DOCK6: variants seen among roughly 807,000 people sequenced by gnomAD.
DOCK6 encodes the protein dedicator of cytokinesis protein 6.
A neutral mutation model predicts 230.3 loss-of-function variants in DOCK6; 167 were observed. That is an observed-to-expected ratio of 0.73 (90% CI 0.64 to 0.82). The LOEUF is 0.82. Among genes scored for constraint, DOCK6 ranks in the 40% least tolerant of loss-of-function variants. The probability of loss-of-function intolerance (pLI) is 0.00; values close to 1 mark genes in which losing one functional copy is unlikely to be tolerated. For synonymous variants in DOCK6, 1,148 were observed against 1,185.0 expected, an observed-to-expected ratio of 0.97 and a Z score of 0.64; for missense variants, 2,598 against 2,825.8, an observed-to-expected ratio of 0.92 and a Z score of 1.83.
intron 6 of DOCK6, 74 bp from the exon 7 acceptor site, chr19:11,248,225 C>A: frequency 2.5e-6 from 3 of 1,196,750 alleles, no homozygotes; most frequent in African/African-American, 1.5e-5. Context: ...GAATGCCCAG[C>A]CTCAGACCAG....
At position 11,236,095 on chromosome 19, in the gene DOCK6, G is replaced by A; in HGVS notation, c.2392+251C>T. On this transcript the variant is annotated intron_variant, in intron 20 of 47. Coordinates refer to ENST00000294618, the MANE Select transcript of DOCK6 (RefSeq NM_020812.4). The surrounding 1 kb of genome is among the most constrained non-coding windows in gnomAD (Gnocchi z 5.2). ...GGGTTTCTCCATGTTGGTCAGGCTGGTCTCAAACTCTCGACCTCAGGTGAT... is the reference window on the plus strand; with the variant it reads ...GGGTTTCTCCATGTTGGTCAGGCTGATCTCAAACTCTCGACCTCAGGTGAT... 2 of 544,234 alleles carry A rather than the reference G, an allele frequency of 3.7e-6. No homozygotes were observed. The highest frequency in any genetic ancestry group is 2.6e-5 in the South Asian group (1 of 39,166). 33.7% of individuals were successfully genotyped at this position (544,234 alleles called of 1,614,324 possible).
chr19:11,249,909 A>AAG (rs1568262294), intron 6 of DOCK6, among the ~76,000 whole-genome samples: 1 of 151,410 alleles, frequency 6.6e-6, no homozygotes, highest in East Asian at 2.0e-4. Context: ...AAAAAAAAAA[A>AAG]AAAAAAAAAA....
chr19:11,214,080 G>C (rs2079438136), intron 34 of DOCK6, among the ~76,000 whole-genome samples, 195 bp downstream of exon 34: 1 of 151,978 alleles, frequency 6.6e-6, no homozygotes, highest in Non-Finnish European at 1.5e-5. Flanking sequence ...ACCGTGCCTA[G>C]TCCTAGCTAA....
In DOCK6 at chr19:11,233,196, G is replaced by A. The variant is rs368862887; in HGVS notation, c.2718+7C>T. ...GGCTGGAGATTCCAGGGCCCCCGTT[G>A]CCCTACCTTGCTGGCCAGGATGCGG... is the stretch of plus-strand genomic sequence containing the variant. On this transcript the variant is annotated splice_region_variant and intron_variant, in intron 22 of 47. Coordinates refer to ENST00000294618, the MANE Select transcript of DOCK6 (RefSeq NM_020812.4). The A allele has an allele frequency of 6.2e-7, 1 of 1,611,940 alleles. No homozygotes were observed. The highest frequency in any genetic ancestry group is 1.3e-5 in the African/African-American group (1 of 74,888).
At chr19:11,244,710 C>T (rs1001576367) in intron 9 of DOCK6, among the ~76,000 whole-genome samples, 1 of 152,110 alleles carries the variant, frequency 6.6e-6, no homozygotes, top group Non-Finnish European at 1.5e-5. Context: ...CTGCCTGCCT[C>T]GGCCTCCCAA....
At chr19:11,218,610 G>A (rs1600882015) in intron 28 of DOCK6, among the ~76,000 whole-genome samples, 1 of 152,162 alleles carries the variant, frequency 6.6e-6, no homozygotes, top group East Asian at 1.9e-4. Flanking sequence ...GCCACGCCCA[G>A]CTAATTTTTG....
chr19:11,215,801 C>T lies in DOCK6; in HGVS notation c.4021G>A (p.Glu1341Lys). 1.9e-6 allele frequency: 3 copies of T among 1,613,950 alleles called. No individual in the cohort carries two copies. The highest frequency in any genetic ancestry group is 1.7e-6 in the Non-Finnish European group (2 of 1,179,870). Residue 1341 changes from glutamate (E) to lysine (K), a missense_variant and splice_region_variant, in exon 31 of 48, where the codon GAG becomes AAG. Coordinates refer to ENST00000294618, the MANE Select transcript of DOCK6 (RefSeq NM_020812.4). ...ARQEMVRRSR[E>K]RSPFGNPENV... ...ACACGTGGGTATGTCACCCTCTTAC[C>T]ACGACTTCGCCGAACCATTTCTTGT...
In DOCK6 at chr19:11,213,636, G is replaced by A. The variant is rs35472533; in HGVS notation, c.4339-308C>T. 0.51 allele frequency among the ~76,000 whole-genome samples: 74,065 copies of A among 145,524 alleles called. 20,341 individuals carry two copies. The highest frequency in any genetic ancestry group is 0.62 in the Non-Finnish European group (41,117 of 66,604). ...CCTTTTTTTTTTTTTTTTTTGAGACGGAGTTTTGCTCTTGTCTCCCAGGCT... is the reference window on the plus strand; with the variant it reads ...CCTTTTTTTTTTTTTTTTTTGAGACAGAGTTTTGCTCTTGTCTCCCAGGCT... On this transcript the variant is annotated intron_variant, in intron 34 of 47. Coordinates refer to ENST00000294618, the MANE Select transcript of DOCK6 (RefSeq NM_020812.4).
At position 11,208,959 on chromosome 19, in the gene DOCK6, G is replaced by C. The variant is rs374766859; in HGVS notation, c.4896C>G (p.Ala1632=). The change falls in exon 38 of 48, where the codon GCC becomes GCG. Residue 1632 remains alanine, a synonymous_variant. Transcript: ENST00000294618. ...GCAGGTGGCGGTGGTCCTCGAGCAG[G>C]GCGAGGTACTCAGCCACGAGGGCGG... The part of the protein sequence containing the change: ...HAAALVAEYL[A]LLEDHRHLPV... The C allele has an allele frequency of 2.5e-6, 4 of 1,605,368 alleles. No individual in the cohort carries two copies. Among genetic ancestry groups the C allele is most frequent in the Non-Finnish European group, 2.6e-6 (3 of 1,174,260 alleles).
rs776328092 is a variant in DOCK6 at position 11,202,050 on chromosome 19, G to C, written c.5527C>G (p.Arg1843Gly). The change falls in exon 44 of 48, where the codon CGC becomes GGC. Residue 1843 changes from arginine to glycine, a missense_variant. Arg to Gly is a moderately radical substitution (Grantham distance 125). Coordinates refer to ENST00000294618, the MANE Select transcript of DOCK6 (RefSeq NM_020812.4). This position sits in a 1 kb window ranked among gnomAD's most constrained non-coding sequence, Gnocchi z 5.3. ...ELKDRVTYFDRNYGLRTFLFC... is the reference protein window; with the variant it reads ...ELKDRVTYFDGNYGLRTFLFC... ...AGGAATGTGCGAAGCCCATAGTTGC[G>C]GTCAAAGTAGGTCACCCGGTCCTTG... is the stretch of plus-strand genomic sequence containing the variant. 6.2e-7 allele frequency: 1 copy of C among 1,613,904 alleles called. No individual in the cohort carries two copies. The highest frequency in any genetic ancestry group is 1.3e-5 in the African/African-American group (1 of 74,922).
intron 28 of DOCK6, among the ~76,000 whole-genome samples, chr19:11,217,665 C>T (rs539069727): frequency 6.1e-5 from 9 of 148,758 alleles, no homozygotes; most frequent in African/African-American, 2.0e-4. Context: ...GGCTGTGGCA[C>T]GAGAATCTCT....
intron 35 of DOCK6, among the ~76,000 whole-genome samples, chr19:11,212,461 C>T (rs755873135): frequency 1.3e-5 from 2 of 151,956 alleles, no homozygotes; most frequent in Non-Finnish European, 2.9e-5. Flanking sequence ...ATGCTGGTCT[C>T]GAACTCCTGA....
At chr19:11,204,008 G>A in intron 41 of DOCK6, 73 bp downstream of exon 41, 1 of 1,541,420 alleles carries the variant, frequency 6.5e-7, no homozygotes, top group Non-Finnish European at 8.8e-7. Flanking sequence ...GCCCCCTGGT[G>A]TTCACTGATG....
Position 11,262,460 on chromosome 19 carries a change from C to A in DOCK6, c.-20G>T. ...AGCCATGGTCCTCGCGTCCCGCCGCCGCCGCCCCGGGCCCCGGCCCCGCCG... is the reference window on the plus strand; with the variant it reads ...AGCCATGGTCCTCGCGTCCCGCCGCAGCCGCCCCGGGCCCCGGCCCCGCCG... On this transcript the variant is annotated 5_prime_UTR_variant, in exon 1 of 48. Coordinates refer to ENST00000294618, the MANE Select transcript of DOCK6 (RefSeq NM_020812.4). The A allele has an allele frequency of 8.5e-7, 1 of 1,173,032 alleles. No homozygotes were observed. The highest frequency in any genetic ancestry group is 1.1e-6 in the Non-Finnish European group (1 of 951,608). 72.7% of individuals were successfully genotyped at this position (1,173,032 alleles called of 1,614,324 possible).
At chr19:11,208,851 C>G in intron 38 of DOCK6, 22 bp from the exon 39 acceptor site, 1 of 1,607,942 alleles carries the variant, frequency 6.2e-7, no homozygotes, top group African/African-American at 1.3e-5. Context: ...GAGGTGGCGT[C>G]AGACCCTGGT....
intron 34 of DOCK6, 135 bp downstream of exon 34, chr19:11,214,140 G>A (rs1246100384): frequency 7.8e-7 from 1 of 1,283,398 alleles, no homozygotes; most frequent in Non-Finnish European, 1.0e-6. Context: ...GCCCAGGTTG[G>A]TCTCAAACTC....
Position 11,200,683 on chromosome 19 carries a change from C to A in DOCK6, c.5939+33G>T. ...AGCAGGCCTATGCAGGTTAGGCAGACACGAGACCCCTCCTGGGGGGTTTTG... is the reference window on the plus strand; with the variant it reads ...AGCAGGCCTATGCAGGTTAGGCAGAAACGAGACCCCTCCTGGGGGGTTTTG... On this transcript the variant is annotated intron_variant, in intron 46 of 47. Transcript: ENST00000294618. The surrounding 1 kb of genome is among the most constrained non-coding windows in gnomAD (Gnocchi z 4.3). 1 of 1,585,110 alleles carries A rather than the reference C, an allele frequency of 6.3e-7. No individual in the cohort carries two copies. Among genetic ancestry groups the A allele is most frequent in the Non-Finnish European group, 8.6e-7 (1 of 1,165,760 alleles).
chr19:11,241,856 ATGTAGC>A, intron 14 of DOCK6, 183 bp downstream of exon 14: 1 of 1,304,010 alleles, frequency 7.7e-7, no homozygotes, highest in Non-Finnish European at 1.1e-6. Context: ...AAGGCAGAGG[ATGTAGC>A]CCCATTGGGG....
intron 28 of DOCK6, chr19:11,221,253 G>GA (rs2079574818): frequency 1.3e-5 from 2 of 153,080 alleles, no homozygotes; most frequent in African/African-American, 4.8e-5. Context: ...GGAAAGAATG[G>GA]AAAAAACAGA....
Sources: gnomAD v4.1 joint callset for allele counts (sites outside exome capture counted in the v4.1 genomes callset) on GRCh38, gnomAD v4.1.1 for gene constraint, Gnocchi (gnomAD v3.1) non-coding constraint, MANE v1.5 for transcripts, NCBI Gene and HGNC (gene_info 2026-07-23, HGNC 2026-07-21) for gene names.